TNS1: variants seen among roughly 807,000 people sequenced by gnomAD.
TNS1 encodes the protein tensin 1.
Under a neutral mutation model 168.6 loss-of-function variants are expected in TNS1, and 62 were observed. The observed-to-expected ratio is 0.37, with a 90% CI of 0.30 to 0.45. The LOEUF is 0.45. TNS1 is among the 20% of genes least tolerant of loss of function. TNS1 has a pLI of 1.00. For missense variants in TNS1, 2,240 were observed against 2,339.4 expected (o/e 0.96, Z 0.88); for synonymous variants, 934 against 933.2 (o/e 1.00, Z -0.02).
At chr2:217,961,254 C>CAGAGAG (rs1347056666) in intron 3 of TNS1, among the ~76,000 whole-genome samples, 7,432 of 126,076 alleles carry the variant, frequency 0.059, 336 homozygotes, top group African/African-American at 0.14. Flanking sequence ...CACACACACA[C>CAGAGAG]ACACACAGAG....
intron 3 of TNS1, 96 bp downstream of exon 3, chr2:217,978,669 A>G (rs1212444249): frequency 5.4e-6 from 3 of 559,906 alleles, no homozygotes; most frequent in Non-Finnish European, 9.8e-6. Flanking sequence ...CGCCCCGGGC[A>G]CCGCCCCCGC....
intron 11 of TNS1, among the ~76,000 whole-genome samples, chr2:217,891,908 C>T (rs145982737): frequency 6.6e-6 from 1 of 152,212 alleles, no homozygotes. Flanking sequence ...CATCAAGAGG[C>T]CTTCTCCAAC....
Position 217,801,569 on chromosome 2 carries a change from A to G in TNS1, c.*2890T>C, listed in dbSNP as rs1362307567. 1 of 152,272 alleles carries G rather than the reference A, an allele frequency of 6.6e-6. No homozygotes were observed. The highest frequency in any genetic ancestry group is 1.5e-5 in the Non-Finnish European group (1 of 68,050). 9.4% of individuals were successfully genotyped at this position (152,272 alleles called of 1,614,324 possible). A position where few individuals can be genotyped will look rare whatever the true frequency, so the allele number is the denominator to read the frequency against. On this transcript the variant is annotated 3_prime_UTR_variant, in exon 33 of 33. Coordinates refer to ENST00000682258, the MANE Select transcript of TNS1 (RefSeq NM_001387777.1). ...GGCTGACACACAGATTCAACAATAA[A>G]CAACAGTAAAATAGATTCAGGGAGG...
intron 3 of TNS1, among the ~76,000 whole-genome samples, chr2:217,977,649 A>G (rs1957929830): frequency 4.6e-5 from 7 of 152,284 alleles, no homozygotes; most frequent in Admixed American, 3.9e-4. Flanking sequence ...TCTCACAACA[A>G]CTTTATGAGG....
chr2:217,860,732 C>A (rs1179217788), intron 18 of TNS1, among the ~76,000 whole-genome samples: 1 of 152,150 alleles, frequency 6.6e-6, no homozygotes, highest in Non-Finnish European at 1.5e-5. Flanking sequence ...CCATGATGTC[C>A]CAGATTGAAT....
chr2:217,830,126 G>T, intron 22 of TNS1: 1 of 496,226 alleles, frequency 2.0e-6, no homozygotes, highest in Non-Finnish European at 2.6e-6. Flanking sequence ...GGACCCCAAG[G>T]CTCCGAGGCA....
chr2:217,944,618 A>G (rs1267778592), intron 3 of TNS1, among the ~76,000 whole-genome samples: 1 of 152,194 alleles, frequency 6.6e-6, no homozygotes, highest in Non-Finnish European at 1.5e-5. Flanking sequence ...TGAGATAGTA[A>G]TCTCTGCTGT....
chr2:217,920,383 G>A lies in TNS1; in HGVS notation c.187-147C>T, dbSNP rs1000852901. The A allele has an allele frequency of 4.8e-6, 3 of 619,378 alleles. No homozygotes were observed. The Admixed American group carries it at 7.6e-5, about 16-fold the overall frequency. 38.4% of individuals were successfully genotyped at this position (619,378 alleles called of 1,614,324 possible). A position where few individuals can be genotyped will look rare whatever the true frequency, so the allele number is the denominator to read the frequency against. On this transcript the variant is annotated intron_variant, in intron 3 of 32. Transcript: ENST00000682258. ...GGTTGAGAGTTCTTCAGCAGACTAT[G>A]GAGCAACACAGAAAAACTACTCCAG... is the stretch of plus-strand genomic sequence containing the variant.
At chr2:217,836,981 C>A (rs1483319402) in intron 19 of TNS1, among the ~76,000 whole-genome samples, 1 of 152,188 alleles carries the variant, frequency 6.6e-6, no homozygotes, top group Non-Finnish European at 1.5e-5. Context: ...TAATCTCACC[C>A]TCCTTCCTTC....
intron 19 of TNS1, among the ~76,000 whole-genome samples, chr2:217,844,113 C>A (rs190274480): frequency 4.6e-5 from 7 of 152,250 alleles, no homozygotes; most frequent in South Asian, 2.1e-4. Context: ...TTTTGATGAT[C>A]CTTCTCCCTC....
intron 1 of TNS1, among the ~76,000 whole-genome samples, chr2:218,001,982 G>A (rs2105980411): frequency 6.6e-6 from 1 of 152,244 alleles, no homozygotes; most frequent in Non-Finnish European, 1.5e-5. Context: ...CTGACCCCAT[G>A]CATGCCTTTG....
chr2:217,823,120 C>A (rs536039453), intron 22 of TNS1, among the ~76,000 whole-genome samples: 126 of 152,344 alleles, frequency 8.3e-4, no homozygotes, highest in African/African-American at 2.6e-3. Context: ...AGAAGAGCCC[C>A]CTCCTCCAGG....
intron 32 of TNS1, among the ~76,000 whole-genome samples, chr2:217,805,644 TCACA>T (rs1290748111): frequency 0.017 from 107 of 6,152 alleles, no homozygotes; most frequent in African/African-American, 0.06. Context: ...CCCACACACA[TCACA>T]CACACACAAC....
At chr2:218,029,393 A>G (rs1181996463) in intron 1 of TNS1, among the ~76,000 whole-genome samples, 1 of 152,254 alleles carries the variant, frequency 6.6e-6, no homozygotes, top group African/African-American at 2.4e-5. Context: ...GACATCATCA[A>G]AATGGAGGGA....
intron 4 of TNS1, among the ~76,000 whole-genome samples, chr2:217,908,422 A>G (rs989282171): frequency 1.3e-5 from 2 of 152,254 alleles, no homozygotes; most frequent in South Asian, 2.1e-4. Flanking sequence ...CACAACTGGA[A>G]TGGTTGTGAA....
chr2:217,917,449 T>A (rs992477408), intron 4 of TNS1, among the ~76,000 whole-genome samples: 1 of 152,102 alleles, frequency 6.6e-6, no homozygotes, highest in Non-Finnish European at 1.5e-5. Flanking sequence ...ATGCATAGTG[T>A]ATCGGGGCGA....
At chr2:217,832,766 C>T (rs544125055) in intron 21 of TNS1, among the ~76,000 whole-genome samples, 4 of 152,294 alleles carry the variant, frequency 2.6e-5, no homozygotes, top group Non-Finnish European at 4.4e-5. Context: ...CACAGGGGTC[C>T]GGATGAGTGG....
At chr2:218,001,916 C>T (rs538544142) in intron 1 of TNS1, among the ~76,000 whole-genome samples, 1 of 152,286 alleles carries the variant, frequency 6.6e-6, no homozygotes, top group Admixed American at 6.5e-5. Context: ...CCAAACCAGC[C>T]ATCACTCTCT....
intron 4 of TNS1, 41 bp downstream of exon 4, chr2:217,920,154 A>G (rs7590152): frequency 0.11 from 74,569 of 702,792 alleles, 11,230 homozygotes; most frequent in African/African-American, 0.52. Context: ...GCGGAGGGAG[A>G]GGAGGCAGGG....
Sources: allele counts gnomAD v4.1 joint callset (sites outside exome capture counted in the v4.1 genomes callset), GRCh38; gene constraint gnomAD v4.1.1; transcripts MANE v1.5; gene names NCBI Gene and HGNC (gene_info 2026-07-23, HGNC 2026-07-21).